The following ST6GALNAC5 variants were observed in gnomAD, a reference collection of about 807,000 sequenced individuals.
The protein encoded by ST6GALNAC5 is ST6 N-acetylgalactosaminide alpha-2,6-sialyltransferase 5, also known as alpha-N-acetylgalactosaminide alpha-2,6-sialyltransferase 5.
In ST6GALNAC5, 27 loss-of-function variants were observed where a neutral mutation model predicts 33.6. The ratio of observed to expected loss-of-function variants is 0.80; its 90% CI spans 0.59 to 1.11. The LOEUF (loss-of-function observed/expected upper bound fraction) is 1.11, where lower values mean the gene tolerates loss of function less well. Among genes scored for constraint, ST6GALNAC5 ranks in the 50% least tolerant of loss-of-function variants. The pLI, the probability that ST6GALNAC5 is intolerant of heterozygous loss-of-function variation, is 0.00. For synonymous variants in ST6GALNAC5, 194 were observed against 171.2 expected (o/e 1.13, Z -1.04); for missense variants, 428 against 454.0 (o/e 0.94, Z 0.52).
chr1:76,996,320 C>T (rs1266701969), intron 2 of ST6GALNAC5, among the ~76,000 whole-genome samples: 3 of 152,198 alleles, frequency 2.0e-5, no homozygotes, highest in Non-Finnish European at 4.4e-5. Flanking sequence ...CATCTTGTCC[C>T]TCACAACAGA....
In ST6GALNAC5 at chr1:77,009,866, A is replaced by G. The variant is rs12068358; in HGVS notation, c.262-34338A>G. ...GAAAATACTAAAATACTTTTTTTTA[A>G]TAGAGTGACCTTGATCCTTTCCCAT... On this transcript the variant is annotated intron_variant, in intron 2 of 4. Transcript: ENST00000477717. Among the ~76,000 whole-genome samples the G allele has an allele frequency of 2.9e-3, 441 of 152,262 alleles. 3 individuals are homozygous for G. The highest frequency in any genetic ancestry group is 0.01 in the African/African-American group (421 of 41,548).
At chr1:76,932,251 G>A (rs1210121075) in intron 2 of ST6GALNAC5, among the ~76,000 whole-genome samples, 1 of 152,112 alleles carries the variant, frequency 6.6e-6, no homozygotes, top group Non-Finnish European at 1.5e-5. Context: ...AAGAGTAATT[G>A]TTAAAGTGAG....
intron 2 of ST6GALNAC5, among the ~76,000 whole-genome samples, chr1:77,010,550 C>G (rs1396804979): frequency 9.9e-5 from 15 of 152,120 alleles, no homozygotes; most frequent in Admixed American, 9.8e-4. Context: ...GGGGTACACA[C>G]TTCCAAGCAG....
At chr1:76,914,373 G>A (rs546058960) in intron 2 of ST6GALNAC5, among the ~76,000 whole-genome samples, 2 of 152,168 alleles carry the variant, frequency 1.3e-5, no homozygotes, top group South Asian at 2.1e-4. Context: ...AAAAGAGCCC[G>A]CATCGCCAAG....
chr1:76,932,762 T>C (rs1647157737), intron 2 of ST6GALNAC5, among the ~76,000 whole-genome samples: 1 of 152,082 alleles, frequency 6.6e-6, no homozygotes, highest in Non-Finnish European at 1.5e-5. Context: ...CTCATGCCTC[T>C]TGGCTGACAA....
chr1:76,976,137 A>G (rs1485300711), intron 2 of ST6GALNAC5, among the ~76,000 whole-genome samples: 1 of 152,106 alleles, frequency 6.6e-6, no homozygotes, highest in Admixed American at 6.6e-5. Context: ...GAAGAAAGAC[A>G]GAGACAGAGA....
In ST6GALNAC5 at chr1:77,067,155, C is replaced by G. The variant is rs1012463611; in HGVS notation, c.*3949C>G. ...CGTCAAAGAGAACTATAATAATAAGCCCTGGGGGGCAGGATGTGTGAACCA... is the reference window on the plus strand; with the variant it reads ...CGTCAAAGAGAACTATAATAATAAGGCCTGGGGGGCAGGATGTGTGAACCA... On this transcript the variant is annotated 3_prime_UTR_variant, in exon 5 of 5. Transcript: ENST00000477717. 3.2e-5 allele frequency among the ~76,000 whole-genome samples: 4 copies of G among 126,042 alleles called. No homozygotes were observed. The highest frequency in any genetic ancestry group is 6.5e-5 in the Non-Finnish European group (4 of 61,646). The allele number at this position is 126,042 out of a possible 152,430, so 82.7% of individuals were successfully genotyped here.
intron 2 of ST6GALNAC5, among the ~76,000 whole-genome samples, chr1:76,896,570 G>A (rs953901142): frequency 2.6e-5 from 4 of 152,176 alleles, no homozygotes; most frequent in African/African-American, 4.8e-5. Context: ...TGAGGAACAG[G>A]AAAGAAGGAA....
intron 2 of ST6GALNAC5, among the ~76,000 whole-genome samples, chr1:76,958,343 C>T (rs1010377290): frequency 3.9e-5 from 6 of 152,112 alleles, no homozygotes; most frequent in Admixed American, 1.3e-4. Flanking sequence ...TAACTCAGTC[C>T]GGCAGTAGTG....
chr1:76,966,786 T>C (rs2100358438), intron 2 of ST6GALNAC5, among the ~76,000 whole-genome samples: 1 of 152,360 alleles, frequency 6.6e-6, no homozygotes, highest in South Asian at 2.1e-4. Context: ...ATACCTAGTT[T>C]ATTGAGAGCT....
chr1:76,876,589 G>A (rs1653643899), intron 2 of ST6GALNAC5, among the ~76,000 whole-genome samples: 1 of 152,086 alleles, frequency 6.6e-6, no homozygotes, highest in Non-Finnish European at 1.5e-5. Flanking sequence ...CTTCTTCCAA[G>A]TCCCTGACCA....
At chr1:77,014,117 A>G (rs909735741) in intron 2 of ST6GALNAC5, among the ~76,000 whole-genome samples, 3 of 152,202 alleles carry the variant, frequency 2.0e-5, no homozygotes, top group African/African-American at 7.2e-5. Context: ...TCTGAGATGG[A>G]AGGGGAAGGG....
intron 2 of ST6GALNAC5, among the ~76,000 whole-genome samples, chr1:76,904,701 T>C (rs1213245049): frequency 6.6e-6 from 1 of 152,082 alleles, no homozygotes; most frequent in Non-Finnish European, 1.5e-5. Flanking sequence ...GGCATATGCC[T>C]GTAATCCCAG....
chr1:76,899,178 AT>A (rs1359617460), intron 2 of ST6GALNAC5, among the ~76,000 whole-genome samples: 1 of 152,068 alleles, frequency 6.6e-6, no homozygotes, highest in Non-Finnish European at 1.5e-5. Flanking sequence ...AGATGGTTAA[AT>A]TTTAGGTCAG....
At chr1:77,017,314 A>T (rs1339565621) in intron 2 of ST6GALNAC5, among the ~76,000 whole-genome samples, 2 of 152,144 alleles carry the variant, frequency 1.3e-5, no homozygotes, top group East Asian at 3.9e-4. Flanking sequence ...AGATATTAAG[A>T]TGACAGACAG....
chr1:77,029,320 C>T (rs1651365117), intron 2 of ST6GALNAC5, among the ~76,000 whole-genome samples: 1 of 152,166 alleles, frequency 6.6e-6, no homozygotes, highest in Non-Finnish European at 1.5e-5. Flanking sequence ...AAAATGACAG[C>T]TTTTGTCTTG....
intron 2 of ST6GALNAC5, among the ~76,000 whole-genome samples, chr1:76,982,641 C>G (rs1649304266): frequency 1.3e-5 from 2 of 152,130 alleles, no homozygotes. Flanking sequence ...GGCCAACATT[C>G]AAATTCGGGA....
At chr1:77,058,441 A>G (rs1652471486) in intron 4 of ST6GALNAC5, among the ~76,000 whole-genome samples, 1 of 152,072 alleles carries the variant, frequency 6.6e-6, no homozygotes, top group Non-Finnish European at 1.5e-5. Context: ...TTCTCACTCT[A>G]TTTGCCCCCA....
chr1:77,019,022 T>C (rs549029033), intron 2 of ST6GALNAC5, among the ~76,000 whole-genome samples: 3 of 152,274 alleles, frequency 2.0e-5, no homozygotes, highest in Admixed American at 2.0e-4. Context: ...TTGAAGCCTC[T>C]AGAGGAAGCA....
Sources: allele counts gnomAD v4.1 joint callset (sites outside exome capture counted in the v4.1 genomes callset), GRCh38; gene constraint gnomAD v4.1.1; transcripts MANE v1.5; gene names NCBI Gene and HGNC (gene_info 2026-07-23, HGNC 2026-07-21).